The following PRELID2 variants were observed in gnomAD, a reference collection of about 807,000 sequenced individuals.
PRELID2 encodes the protein PRELI domain containing 2.
A neutral mutation model predicts 28.4 loss-of-function variants in PRELID2; 25 were observed. That is an observed-to-expected ratio of 0.88 (90% CI 0.64 to 1.23). PRELID2 has a LOEUF of 1.23. Ranked by LOEUF, PRELID2 falls within the 50% of genes most tolerant of loss-of-function variation. The pLI is 0.00. For synonymous variants in PRELID2, 76 were observed against 71.6 expected (o/e 1.06, Z -0.31); for missense variants, 201 against 214.4 (o/e 0.94, Z 0.39).
At chr5:145,233,881 G>GTTA in the PRELID2 span, among the ~76,000 whole-genome samples, 1 of 152,162 alleles carries the variant, frequency 6.6e-6, no homozygotes, top group Non-Finnish European at 1.5e-5. Flanking sequence ...AATAAAGCAA[G>GTTA]TGTGTTTTTA....
At chr5:145,792,150 T>C (rs1292745048) in intron 5 of PRELID2, among the ~76,000 whole-genome samples, 1 of 152,252 alleles carries the variant, frequency 6.6e-6, no homozygotes, top group African/African-American at 2.4e-5. Context: ...CGCAAGTGGC[T>C]TAAGTGCACA....
chr5:145,464,718 A>G, the PRELID2 span, among the ~76,000 whole-genome samples: 1 of 152,116 alleles, frequency 6.6e-6, no homozygotes, highest in Non-Finnish European at 1.5e-5. Context: ...TTATTTTATT[A>G]AACACTGCCA....
chr5:145,336,489 T>C, the PRELID2 span, among the ~76,000 whole-genome samples: 1 of 151,958 alleles, frequency 6.6e-6, no homozygotes, highest in South Asian at 2.1e-4. Context: ...GCTTTCTACA[T>C]ATGGCTAGCC....
At chr5:145,410,752 C>G in the PRELID2 span, among the ~76,000 whole-genome samples, 1 of 152,118 alleles carries the variant, frequency 6.6e-6, no homozygotes, top group Non-Finnish European at 1.5e-5. Context: ...GGTGGGGACA[C>G]AGCCAAACCA....
At chr5:145,815,396 C>T (rs146166817) in intron 4 of PRELID2, among the ~76,000 whole-genome samples, 2 of 152,318 alleles carry the variant, frequency 1.3e-5, no homozygotes, top group Non-Finnish European at 2.9e-5. Flanking sequence ...TCAGCTATAT[C>T]GTTTTCTGTA....
At chr5:145,419,861 T>C in the PRELID2 span, among the ~76,000 whole-genome samples, 11 of 152,088 alleles carry the variant, frequency 7.2e-5, no homozygotes, top group African/African-American at 2.7e-4. Flanking sequence ...TTTATGGTTT[T>C]AGGTCTAACA....
At position 145,737,426 on chromosome 5, in the gene PRELID2, TA is replaced by T. The variant is rs1554087428; in HGVS notation, n.70+27504del. Among the ~76,000 whole-genome samples, 5 of 146,276 alleles carry T rather than the reference TA, an allele frequency of 3.4e-5. No individual in the cohort carries two copies. In the East Asian group the frequency reaches 8.0e-4, roughly 24 times the overall value. On this transcript the variant is annotated intron_variant and non_coding_transcript_variant, in intron 1 of 2. Coordinates refer to the PRELID2 transcript ENST00000510259. ...CTAAAATCCCTGGATGTTATTTATT[TA>T]AAAAAAAAACAAAAACAAAAAAAAT...
intron 1 of PRELID2, among the ~76,000 whole-genome samples, chr5:145,681,971 GT>G (rs767327650): frequency 2.0e-5 from 3 of 151,958 alleles, no homozygotes; most frequent in Non-Finnish European, 4.4e-5. Flanking sequence ...CTGACTGAAG[GT>G]TTTCAAAAAC....
At chr5:145,382,303 GA>G in the PRELID2 span, among the ~76,000 whole-genome samples, 1 of 151,802 alleles carries the variant, frequency 6.6e-6, no homozygotes, top group African/African-American at 2.4e-5. Flanking sequence ...ACATAAAATT[GA>G]AGTTCCAAAA....
At chr5:145,402,998 A>T in the PRELID2 span, among the ~76,000 whole-genome samples, 3 of 152,184 alleles carry the variant, frequency 2.0e-5, no homozygotes, top group Admixed American at 6.5e-5. Context: ...CCTTGGGATT[A>T]GGTGGTAGAA....
chr5:145,466,498 T>C, the PRELID2 span, among the ~76,000 whole-genome samples: 1 of 152,180 alleles, frequency 6.6e-6, no homozygotes, highest in African/African-American at 2.4e-5. Context: ...TGTATGTTTT[T>C]GTATGTCTAT....
intron 1 of PRELID2, among the ~76,000 whole-genome samples, chr5:145,525,268 T>C (rs1752597645): frequency 6.6e-6 from 1 of 152,218 alleles, no homozygotes; most frequent in Admixed American, 6.5e-5. Flanking sequence ...TTCACCATGA[T>C]GGATCCCCTT....
the PRELID2 span, among the ~76,000 whole-genome samples, chr5:145,427,714 G>A: frequency 4.6e-5 from 7 of 152,100 alleles, no homozygotes; most frequent in Admixed American, 2.6e-4. Context: ...GTATAATACA[G>A]TTTTGTTGTG....
the PRELID2 span, among the ~76,000 whole-genome samples, chr5:145,451,965 C>A: frequency 2.6e-5 from 4 of 152,178 alleles, 1 homozygote; most frequent in South Asian, 2.1e-4. Context: ...ATTGGAAGAC[C>A]TGGCCCTTGT....
downstream of PRELID2, among the ~76,000 whole-genome samples, chr5:145,756,266 G>A (rs375213490): frequency 3.3e-5 from 5 of 152,264 alleles, no homozygotes; most frequent in South Asian, 1.0e-3. Flanking sequence ...AAAGGACTAG[G>A]ATTATTACTA....
At chr5:145,259,161 T>G in the PRELID2 span, among the ~76,000 whole-genome samples, 2 of 152,240 alleles carry the variant, frequency 1.3e-5, no homozygotes, top group African/African-American at 2.4e-5. Flanking sequence ...TGAAAAATAC[T>G]GGGTGCCCAG....
intron 1 of PRELID2, among the ~76,000 whole-genome samples, chr5:145,705,510 T>A (rs1430252957): frequency 6.6e-6 from 1 of 152,164 alleles, no homozygotes; most frequent in Admixed American, 6.6e-5. Flanking sequence ...AAAAGTACCA[T>A]TTTTAATGAA....
At chr5:145,327,060 C>T in the PRELID2 span, among the ~76,000 whole-genome samples, 8 of 151,988 alleles carry the variant, frequency 5.3e-5, no homozygotes, top group Non-Finnish European at 8.8e-5. Flanking sequence ...TCTCTTAAGG[C>T]CTAAAATCGT....
At chr5:145,268,119 G>T in the PRELID2 span, among the ~76,000 whole-genome samples, 6 of 152,118 alleles carry the variant, frequency 3.9e-5, no homozygotes, top group South Asian at 6.2e-4. Context: ...AGTTTCCTTT[G>T]CTGTGCAGAA....
Sources: gnomAD v4.1 joint callset for allele counts (sites outside exome capture counted in the v4.1 genomes callset) on GRCh38, gnomAD v4.1.1 for gene constraint, MANE v1.5 for transcripts, NCBI Gene and HGNC (gene_info 2026-07-23, HGNC 2026-07-21) for gene names.